Variants in CD96 observed in about 807,000 individuals in gnomAD.
CD96 encodes CD96 molecule, also known as T-cell surface protein tactile.
In CD96, 70 loss-of-function variants were observed where a neutral mutation model predicts 71.3. The observed-to-expected ratio is 0.98, with a 90% CI of 0.81 to 1.20. The LOEUF is 1.20. Among genes scored for constraint, CD96 ranks in the 50% most tolerant of loss-of-function variants. The pLI is 0.00. For missense variants in CD96, 742 were observed against 677.5 expected (o/e 1.10, Z -1.06); for synonymous variants, 248 against 233.0 (o/e 1.06, Z -0.59).
chr3:111,577,310 C>G (rs1455001977), intron 3 of CD96, among the ~76,000 whole-genome samples: 12 of 152,146 alleles, frequency 7.9e-5, no homozygotes, highest in African/African-American at 1.4e-4. Context: ...AAGAGGCTGC[C>G]AAACGTACCT....
At chr3:111,628,733 GA>G (rs1938909670) in intron 10 of CD96, among the ~76,000 whole-genome samples, 2 of 151,922 alleles carry the variant, frequency 1.3e-5, no homozygotes, top group Non-Finnish European at 2.9e-5. Flanking sequence ...AGGTCAAAAT[GA>G]AAGAAAAAAA....
chr3:111,644,103 C>T (rs1939718178), intron 12 of CD96, among the ~76,000 whole-genome samples: 1 of 152,094 alleles, frequency 6.6e-6, no homozygotes, highest in South Asian at 2.1e-4. Flanking sequence ...AAGCCATAGT[C>T]ATCAAAACAG....
chr3:111,663,532 T>C (rs1371842436), intron 14 of CD96, among the ~76,000 whole-genome samples: 1 of 151,818 alleles, frequency 6.6e-6, no homozygotes, highest in African/African-American at 2.4e-5. Flanking sequence ...AAAAAACAAC[T>C]CCTTTTAAAA....
intron 6 of CD96, 101 bp from the exon 7 acceptor site, chr3:111,600,625 G>A: frequency 1.1e-6 from 1 of 889,474 alleles, no homozygotes; most frequent in Non-Finnish European, 1.9e-6. Flanking sequence ...GACCACTTTA[G>A]ACTCTACATT....
intron 8 of CD96, among the ~76,000 whole-genome samples, chr3:111,613,170 C>T (rs1451571305): frequency 1.3e-5 from 2 of 152,166 alleles, no homozygotes; most frequent in African/African-American, 4.8e-5. Context: ...TTCATCTATT[C>T]AGTTACTCCC....
At chr3:111,551,715 C>T (rs1559712215) in intron 2 of CD96, among the ~76,000 whole-genome samples, 2 of 152,090 alleles carry the variant, frequency 1.3e-5, no homozygotes, top group Non-Finnish European at 2.9e-5. Flanking sequence ...CTCTCCTTCA[C>T]CCCACCACAC....
In CD96 at chr3:111,569,490, G is replaced by C. The variant is rs561959368; in HGVS notation, c.543+1843G>C. 7.9e-5 allele frequency among the ~76,000 whole-genome samples: 12 copies of C among 152,284 alleles called. No individual in the cohort carries two copies. In the East Asian group the frequency reaches 1.5e-3, roughly 20 times the overall value. On this transcript the variant is annotated intron_variant, in intron 3 of 13. Coordinates refer to ENST00000352690, the MANE Select transcript of CD96 (RefSeq NM_005816.5). ...TCTGAGAAAAAGGTTAATTAAGTGA[G>C]ATAATTTCAGGAGGACAGAAATGTA...
intron 8 of CD96, among the ~76,000 whole-genome samples, chr3:111,617,135 G>A (rs140946478): frequency 6.6e-6 from 1 of 152,368 alleles, no homozygotes; most frequent in Non-Finnish European, 1.5e-5. Flanking sequence ...GCAGCAGGTG[G>A]AGATGGGCTG....
chr3:111,624,236 C>T, intron 9 of CD96, 97 bp from the exon 10 acceptor site: 1 of 849,078 alleles, frequency 1.2e-6, no homozygotes, highest in South Asian at 1.3e-5. Flanking sequence ...TTCAGATTTC[C>T]CCAAAGTCAC....
chr3:111,587,850 T>C (rs1376723073), intron 5 of CD96, among the ~76,000 whole-genome samples: 1 of 152,190 alleles, frequency 6.6e-6, no homozygotes, highest in Non-Finnish European at 1.5e-5. Context: ...CTTTCAGTTA[T>C]GGCTGGAGTG....
chr3:111,584,994 T>G (rs73852810), intron 4 of CD96, among the ~76,000 whole-genome samples: 4,871 of 152,222 alleles, frequency 0.032, 183 homozygotes, highest in East Asian at 0.1. Context: ...GTTAGAAAAT[T>G]TATTTAAAAG....
At chr3:111,578,750 C>A (rs755172354) in intron 3 of CD96, among the ~76,000 whole-genome samples, 12 of 152,278 alleles carry the variant, frequency 7.9e-5, no homozygotes, top group Admixed American at 1.3e-4. Context: ...AACCCCAAAT[C>A]CTGCTCCAGA....
chr3:111,569,984 C>T (rs1313121315), intron 3 of CD96, among the ~76,000 whole-genome samples: 1 of 150,490 alleles, frequency 6.6e-6, no homozygotes, highest in Non-Finnish European at 1.5e-5. Context: ...CGTCAAGGCA[C>T]AGTCTGTATG....
chr3:111,620,701 C>T (rs1938480056), intron 8 of CD96, among the ~76,000 whole-genome samples: 2 of 152,172 alleles, frequency 1.3e-5, no homozygotes, highest in South Asian at 2.1e-4. Flanking sequence ...TTGTTCCCCA[C>T]ACTTGGCATG....
At chr3:111,598,054 G>C in intron 5 of CD96, 66 bp from the exon 6 acceptor site, 3 of 780,014 alleles carry the variant, frequency 3.8e-6, no homozygotes, top group Non-Finnish European at 7.0e-6. Flanking sequence ...ATGAATGTTA[G>C]TAAGTTGTAA....
At chr3:111,643,443 C>T (rs1300454627) in intron 12 of CD96, among the ~76,000 whole-genome samples, 3 of 152,204 alleles carry the variant, frequency 2.0e-5, no homozygotes, top group African/African-American at 7.2e-5. Context: ...CCACTCTCAC[C>T]ACTCCTCTTC....
intron 5 of CD96, among the ~76,000 whole-genome samples, chr3:111,587,561 T>C (rs951006610): frequency 1.3e-5 from 2 of 152,192 alleles, no homozygotes; most frequent in African/African-American, 4.8e-5. Flanking sequence ...TTCTCACAGC[T>C]CCACTAGGCA....
In CD96 at chr3:111,649,932, T is replaced by C; in HGVS notation, c.*126T>C. 1.2e-5 allele frequency: 9 copies of C among 727,268 alleles called. No individual in the cohort carries two copies. Among genetic ancestry groups the C allele is most frequent in the Non-Finnish European group, 2.2e-5 (9 of 403,472 alleles). 45.1% of individuals were successfully genotyped at this position (727,268 alleles called of 1,614,324 possible). A position where few individuals can be genotyped will look rare whatever the true frequency, so the allele number is the denominator to read the frequency against. ...CTGCAGCTGAAATGGAAGTCAGAAG[T>C]GAGTGACCTGTTTTCCCAGCAACTC... is the stretch of plus-strand genomic sequence containing the variant. On this transcript the variant is annotated 3_prime_UTR_variant, in exon 14 of 14. Transcript: ENST00000352690.
intron 11 of CD96, 54 bp from the exon 12 acceptor site, chr3:111,638,025 T>C: frequency 2.1e-6 from 2 of 950,358 alleles, no homozygotes; most frequent in Non-Finnish European, 3.5e-6. Context: ...CATGGTTTTA[T>C]ACCACTTGAT....
Sources: allele counts gnomAD v4.1 joint callset (sites outside exome capture counted in the v4.1 genomes callset), GRCh38; gene constraint gnomAD v4.1.1; transcripts MANE v1.5; gene names NCBI Gene and HGNC (gene_info 2026-07-23, HGNC 2026-07-21).